Variants in NBPF26 observed in about 807,000 individuals in gnomAD.
NBPF26 encodes the protein NBPF member 26.
In NBPF26, 79 loss-of-function variants were observed where a neutral mutation model predicts 119.6. That is an observed-to-expected ratio of 0.66 (90% CI 0.55 to 0.80). The LOEUF (loss-of-function observed/expected upper bound fraction) is 0.80. Ranked by LOEUF, NBPF26 falls within the 30% of genes least tolerant of loss-of-function variation. NBPF26 has a pLI of 0.00. For synonymous variants in NBPF26, 299 were observed against 457.7 expected (o/e 0.65, Z 4.43); for missense variants, 800 against 1,198.2 (o/e 0.67, Z 4.91).
At chr1:120,817,414 G>GTTTTTT (rs1652033534) in intron 14 of NBPF26, among the ~76,000 whole-genome samples, 1 of 6,536 alleles carries the variant, frequency 1.5e-4, no homozygotes, top group Non-Finnish European at 2.6e-4. Context: ...TAGCATCGTG[G>GTTTTTT]ATTTTTTTTT....
At chr1:120,770,352 G>A (rs1425476534) in intron 2 of NBPF26, among the ~76,000 whole-genome samples, 1 of 109,958 alleles carries the variant, frequency 9.1e-6, no homozygotes, top group Non-Finnish European at 1.7e-5. Flanking sequence ...TGTATTTTTA[G>A]TAGAGACGGG....
intron 2 of NBPF26, among the ~76,000 whole-genome samples, chr1:120,778,093 C>T (rs1209348552): frequency 1.2e-5 from 1 of 84,580 alleles, no homozygotes; most frequent in African/African-American, 9.5e-5. Flanking sequence ...ACAGGGGGGA[C>T]AGAGTAGGGG....
In NBPF26 at chr1:120,790,596, TTC is replaced by T. The variant is rs1557985479; in HGVS notation, c.416-2557_416-2556del. ...TCTTTCTTTCTTTCTTTCTTTCTCTTTCTCTCTCTTTCCCTCTCTCTTTCTGT... is the reference window on the plus strand; with the variant it reads ...TCTTTCTTTCTTTCTTTCTTTCTCTTTCTCTCTTTCCCTCTCTCTTTCTGT... On this transcript the variant is annotated intron_variant, in intron 3 of 29. Transcript: ENST00000620612. Among the ~76,000 whole-genome samples, 4 of 95,440 alleles carry T rather than the reference TTC, an allele frequency of 4.2e-5. 1 individual carries two copies. In the South Asian group the frequency reaches 1.2e-3, roughly 30 times the overall value. The allele number at this position is 95,440 out of a possible 152,430, so 62.6% of individuals were successfully genotyped here.
In NBPF26 at chr1:120,816,672, A is replaced by C. The variant is rs1652014520; in HGVS notation, c.2216A>C (p.Glu739Ala). The change falls in exon 14 of 30, where the codon GAA becomes GCA. Residue 739 changes from glutamate to alanine, a missense_variant. By Grantham distance (107) the Glu-to-Ala change is moderately radical. Coordinates refer to ENST00000620612, the Ensembl canonical transcript of NBPF26. ...GAAGTCCCTGAGGACTCACTGGAGGAATGTGCCATCACTTGTTCAAATAGC... is the reference window on the plus strand; with the variant it reads ...GAAGTCCCTGAGGACTCACTGGAGGCATGTGCCATCACTTGTTCAAATAGC... 2 of 1,191,444 alleles carry C rather than the reference A, an allele frequency of 1.7e-6. 1 individual carries two copies. Among genetic ancestry groups the C allele is most frequent in the South Asian group, 2.6e-5 (2 of 78,420 alleles). The allele number at this position is 1,191,444 out of a possible 1,614,324, so 73.8% of individuals were successfully genotyped here. A position where few individuals can be genotyped will look rare whatever the true frequency, so the allele number is the denominator to read the frequency against.
downstream of NBPF26, chr1:120,840,819 C>T (rs1188661670): frequency 7.6e-5 from 41 of 539,350 alleles, 9 homozygotes; most frequent in South Asian, 2.7e-4. Context: ...CAGCACATGC[C>T]GGGAGTGATC....
intron 1 of NBPF26, among the ~76,000 whole-genome samples, chr1:120,761,071 GT>G (rs1651132545): frequency 8.0e-6 from 1 of 124,956 alleles, no homozygotes; most frequent in East Asian, 2.2e-4. Context: ...TATTAGCCTG[GT>G]AAGCCCACCT....
At chr1:120,789,411 T>C (rs1651458768) in intron 3 of NBPF26, among the ~76,000 whole-genome samples, 1 of 100,780 alleles carries the variant, frequency 9.9e-6, no homozygotes, top group South Asian at 3.1e-4. Context: ...TACAGTTCCA[T>C]ATGGCTGGGG....
rs1295770519 is a variant in NBPF26, at chr1:120,783,648, G to T, written c.156-1326G>T. The stretch of plus-strand genomic sequence containing the variant: ...TATGGGACTGGAACAGTGTATTTTG[G>T]AGTCAGTTACAGGAAGGAAGTTGTT... On this transcript the variant is annotated intron_variant, in intron 2 of 29. Transcript: ENST00000620612. 3.6e-5 allele frequency among the ~76,000 whole-genome samples: 4 copies of T among 109,698 alleles called. 1 individual carries two copies. The highest frequency in any genetic ancestry group is 1.1e-4 in the African/African-American group (2 of 17,714). The allele number at this position is 109,698 out of a possible 152,430, so 72.0% of individuals were successfully genotyped here.
intron 3 of NBPF26, among the ~76,000 whole-genome samples, chr1:120,790,513 A>T (rs2101465718): frequency 8.9e-6 from 1 of 112,422 alleles, no homozygotes; most frequent in Admixed American, 8.5e-5. Context: ...TTCAGGGTTG[A>T]TTCTTTCTTT....
In NBPF26 at chr1:120,808,493, C is replaced by T. The variant is rs1211962808; in HGVS notation, c.1065-52C>T. The stretch of plus-strand genomic sequence containing the variant: ...AGAAGTCTCTGTTGCAATATTTGAA[C>T]GGATCACTCAACCCTTTCTACTCTT... On this transcript the variant is annotated intron_variant, in intron 6 of 29. Coordinates refer to ENST00000620612, the Ensembl canonical transcript of NBPF26. 2.6e-4 allele frequency: 254 copies of T among 995,420 alleles called. 17 individuals are homozygous for T. Among genetic ancestry groups the T allele is most frequent in the South Asian group, 2.2e-3 (167 of 75,484 alleles). The allele number at this position is 995,420 out of a possible 1,614,324, so 61.7% of individuals were successfully genotyped here.
intron 1 of NBPF26, among the ~76,000 whole-genome samples, chr1:120,756,795 A>G (rs1411292907): frequency 2.8e-5 from 3 of 105,544 alleles, no homozygotes; most frequent in Admixed American, 9.1e-5. Flanking sequence ...TCAAGTCTGG[A>G]TACCTTAGCC....
chr1:120,840,588 C>T lies in NBPF26; in HGVS notation c.4342C>T (p.Gln1448Ter). ...GTTCCAGATGGGAGTCATATTCCCA[C>T]AATAAGCAGCCCTTACTAAGCCGAG... Residue 1448 changes from glutamine (Q) to a stop codon, truncating the protein, a stop_gained, in exon 30 of 30, where the codon CAA (glutamine) becomes TAA (stop). Transcript: ENST00000620612. LOFTEE classifies it high-confidence loss of function. 1 of 1,463,138 alleles carries T rather than the reference C, an allele frequency of 6.8e-7. No individual in the cohort carries two copies. Among genetic ancestry groups the T allele is most frequent in the Non-Finnish European group, 9.2e-7 (1 of 1,085,252 alleles). The allele number at this position is 1,463,138 out of a possible 1,614,324, so 90.6% of individuals were successfully genotyped here.
Position 120,806,586 on chromosome 1 carries a change from C to T in NBPF26, c.961+821C>T, listed in dbSNP as rs1440461634. On this transcript the variant is annotated intron_variant, in intron 5 of 29. Coordinates refer to ENST00000620612, the Ensembl canonical transcript of NBPF26. ...CCAGCATGGGTGACAGGGCAAGACT[C>T]GTCAAAAAACAAACAAACAAAACGA... Among the ~76,000 whole-genome samples the T allele has an allele frequency of 1.3e-4, 16 of 124,606 alleles. 4 individuals carry two copies. Among genetic ancestry groups the T allele is most frequent in the South Asian group, 2.4e-4 (1 of 4,114 alleles). The allele number at this position is 124,606 out of a possible 152,430, so 81.7% of individuals were successfully genotyped here.
In NBPF26 at chr1:120,823,799, CT is replaced by C. The variant is rs1252711227; in HGVS notation, c.2640-170del. ...GTGTGTGTGTGTGTGTGTCTTTCAT[CT>C]TTTTCTACCTGGCCCTGTTCTATCC... On this transcript the variant is annotated intron_variant, in intron 17 of 29. Coordinates refer to ENST00000620612, the Ensembl canonical transcript of NBPF26. 3.3e-5 allele frequency among the ~76,000 whole-genome samples: 3 copies of C among 91,418 alleles called. 1 individual carries two copies. The highest frequency in any genetic ancestry group is 2.1e-4 in the African/African-American group (3 of 14,160). The allele number at this position is 91,418 out of a possible 152,430, so 60.0% of individuals were successfully genotyped here. A position where few individuals can be genotyped will look rare whatever the true frequency, so the allele number is the denominator to read the frequency against.
intron 3 of NBPF26, 30 bp from the exon 4 acceptor site, chr1:120,793,131 C>T (rs1312493104): frequency 1.0e-6 from 1 of 979,016 alleles, no homozygotes; most frequent in Non-Finnish European, 1.5e-6. Context: ...TTTCTGTGGC[C>T]AGTACTGAGT....
intron 5 of NBPF26, among the ~76,000 whole-genome samples, chr1:120,806,649 C>T (rs1215501991): frequency 8.2e-6 from 1 of 121,906 alleles, no homozygotes; most frequent in Admixed American, 7.9e-5. Flanking sequence ...GCAGAGAGTA[C>T]CTTGGTGAGA....
Position 120,793,236 on chromosome 1 carries a change from A to G in NBPF26, c.491A>G (p.Asn164Ser), listed in dbSNP as rs1294101740. 153 of 1,440,692 alleles carry G rather than the reference A, an allele frequency of 1.1e-4. 33 individuals carry two copies. Among genetic ancestry groups the G allele is most frequent in the Non-Finnish European group, 1.3e-4 (138 of 1,079,926 alleles). 89.2% of individuals were successfully genotyped at this position (1,440,692 alleles called of 1,614,324 possible). A position where few individuals can be genotyped will look rare whatever the true frequency, so the allele number is the denominator to read the frequency against. Residue 164 changes from asparagine (N) to serine (S), a missense_variant, in exon 4 of 30, where the codon AAC becomes AGC. Asn to Ser is a conservative substitution (Grantham distance 46). Transcript: ENST00000620612. ...GGAAGTACCTGTACCACTGTGGCCA[A>G]CCAGTTCTCCTGCAAATGCCTCACA... is the stretch of plus-strand genomic sequence containing the variant.
intron 1 of NBPF26, among the ~76,000 whole-genome samples, chr1:120,750,278 T>C (rs1350687082): frequency 3.2e-5 from 1 of 30,938 alleles, no homozygotes; most frequent in Non-Finnish European, 5.7e-5. Flanking sequence ...ACATGCCTCA[T>C]AGTGTTGTTG....
rs1419475666 is a variant in NBPF26 at position 120,801,352 on chromosome 1, T to C, written c.752-4204T>C. On this transcript the variant is annotated intron_variant, in intron 4 of 29. Transcript: ENST00000620612. ...GCTTTTTGGCATTATGAAAATATAC[T>C]GGAATTAGGTAGTGGTGATGGTTGC... Among the ~76,000 whole-genome samples, 9 of 119,790 alleles carry C rather than the reference T, an allele frequency of 7.5e-5. 2 individuals carry two copies. Among genetic ancestry groups the C allele is most frequent in the Non-Finnish European group, 1.2e-4 (7 of 60,034 alleles). 78.6% of individuals were successfully genotyped at this position (119,790 alleles called of 152,430 possible).
Sources: gnomAD v4.1 joint callset for allele counts (sites outside exome capture counted in the v4.1 genomes callset) on GRCh38, gnomAD v4.1.1 for gene constraint, MANE v1.5 for transcripts, NCBI Gene and HGNC (gene_info 2026-07-23, HGNC 2026-07-21) for gene names.